Variants in PPP4R2 observed in about 807,000 individuals in gnomAD.
The protein encoded by PPP4R2 is serine/threonine-protein phosphatase 4 regulatory subunit 2.
Under a neutral mutation model 47.2 loss-of-function variants are expected in PPP4R2, and 13 were observed. The observed-to-expected ratio is 0.28, with a 90% confidence interval of 0.18 to 0.44. The LOEUF (loss-of-function observed/expected upper bound fraction) is 0.44. Among genes scored for constraint, PPP4R2 ranks in the 20% least tolerant of loss-of-function variants. The pLI, the probability that PPP4R2 is intolerant of heterozygous loss-of-function variation, is 1.00. For synonymous variants in PPP4R2, 151 were observed against 163.3 expected (o/e 0.92, Z 0.57); for missense variants, 421 against 491.2 (o/e 0.86, Z 1.35).
chr3:73,049,710 A>G (rs1466761133), intron 3 of PPP4R2, among the ~76,000 whole-genome samples: 1 of 151,100 alleles, frequency 6.6e-6, no homozygotes, highest in Non-Finnish European at 1.5e-5. Flanking sequence ...TTTTCAGTTC[A>G]TTCACATTAA....
intron 2 of PPP4R2, among the ~76,000 whole-genome samples, chr3:73,005,584 C>T (rs1229451942): frequency 6.6e-6 from 1 of 151,850 alleles, no homozygotes; most frequent in Non-Finnish European, 1.5e-5. Context: ...TGCGGTGGCT[C>T]ACGCCTGTAA....
At chr3:73,016,927 A>G (rs1303509266) in intron 2 of PPP4R2, among the ~76,000 whole-genome samples, 1 of 150,844 alleles carries the variant, frequency 6.6e-6, no homozygotes, top group Non-Finnish European at 1.5e-5. Flanking sequence ...CCCGGGTTCA[A>G]GAGATTTTCA....
chr3:73,011,454 T>A (rs916767769), intron 2 of PPP4R2, among the ~76,000 whole-genome samples: 1 of 152,094 alleles, frequency 6.6e-6, no homozygotes, highest in Non-Finnish European at 1.5e-5. Flanking sequence ...ACACTCCAGC[T>A]TGGGCGAAAG....
rs557730762 is a variant in PPP4R2 at position 73,002,391 on chromosome 3, A to C, written c.116+4233A>C. On this transcript the variant is annotated intron_variant, in intron 2 of 8. Transcript: ENST00000356692. ...TCAGCCTCCTGAATAGCTAGGACTT[A>C]CAGATAGGGTACATGCCACGATGCC... 6.6e-5 allele frequency among the ~76,000 whole-genome samples: 10 copies of C among 152,142 alleles called. No individual in the cohort carries two copies. The South Asian group carries it at 1.4e-3, about 22-fold the overall frequency.
At chr3:73,034,776 T>C (rs912352584) in intron 2 of PPP4R2, among the ~76,000 whole-genome samples, 11 of 151,990 alleles carry the variant, frequency 7.2e-5, no homozygotes, top group Admixed American at 1.3e-4. Flanking sequence ...CAAGCAGTCT[T>C]CCTGCCTCAG....
intron 3 of PPP4R2, among the ~76,000 whole-genome samples, chr3:73,055,417 C>CGTGTGTGTGTGTGTGTGTGT (rs10663655): frequency 2.0e-4 from 27 of 137,416 alleles, no homozygotes; most frequent in African/African-American, 5.1e-4. Context: ...AGTGGGGTAG[C>CGTGTGTGTGTGTGTGTGTGT]GTGTGTGTGT....
intron 2 of PPP4R2, among the ~76,000 whole-genome samples, chr3:73,044,296 T>C (rs111823250): frequency 6.6e-6 from 1 of 152,252 alleles, no homozygotes; most frequent in African/African-American, 2.4e-5. Context: ...CTACCAGCAA[T>C]GCACAAGAGT....
rs560794658 is a variant in PPP4R2, at chr3:73,043,318, T to A, written c.117-3868T>A. On this transcript the variant is annotated intron_variant, in intron 2 of 8. Transcript: ENST00000356692. The stretch of plus-strand genomic sequence containing the variant: ...ATTCTGTGAAATTAAAAATTAAAAA[T>A]TCTGCTTGTTAAACCTCAAATTCCC... Among the ~76,000 whole-genome samples the A allele has an allele frequency of 3.3e-5, 5 of 152,106 alleles. No individual in the cohort carries two copies. The East Asian group carries it at 7.7e-4, about 23-fold the overall frequency.
At chr3:73,036,117 C>G (rs939652934) in intron 2 of PPP4R2, among the ~76,000 whole-genome samples, 3 of 152,054 alleles carry the variant, frequency 2.0e-5, no homozygotes, top group African/African-American at 7.2e-5. Flanking sequence ...AACTGGAGGT[C>G]ATTATGTTAA....
intron 3 of PPP4R2, among the ~76,000 whole-genome samples, chr3:73,055,457 T>TGTG (rs1553650823): frequency 3.4e-5 from 5 of 149,086 alleles, no homozygotes; most frequent in South Asian, 2.1e-4. Flanking sequence ...TGTGTGTGTA[T>TGTG]TAAAATATAT....
intron 3 of PPP4R2, among the ~76,000 whole-genome samples, chr3:73,052,880 G>A (rs1306652074): frequency 6.6e-6 from 1 of 152,156 alleles, no homozygotes; most frequent in Non-Finnish European, 1.5e-5. Flanking sequence ...TGTTAAGCAG[G>A]TACAGTCAGT....
At chr3:73,043,718 A>G (rs1312576122) in intron 2 of PPP4R2, among the ~76,000 whole-genome samples, 1 of 152,172 alleles carries the variant, frequency 6.6e-6, no homozygotes, top group Non-Finnish European at 1.5e-5. Flanking sequence ...CTTATTGGCC[A>G]TTTGTGTATC....
At chr3:73,013,064 A>G (rs1337304566) in intron 2 of PPP4R2, among the ~76,000 whole-genome samples, 2 of 151,864 alleles carry the variant, frequency 1.3e-5, no homozygotes, top group Non-Finnish European at 2.9e-5. Flanking sequence ...TTCATAGTAG[A>G]GAGTTTTTGG....
At chr3:73,018,326 A>G (rs1701883390) in intron 2 of PPP4R2, among the ~76,000 whole-genome samples, 2 of 151,604 alleles carry the variant, frequency 1.3e-5, no homozygotes, top group African/African-American at 4.8e-5. Context: ...GCGGGATTTA[A>G]GTATGTGCAG....
chr3:73,016,179 T>G (rs1296055415), intron 2 of PPP4R2: 2 of 152,234 alleles, frequency 1.3e-5, no homozygotes, highest in African/African-American at 4.8e-5. Flanking sequence ...GACAATAAAT[T>G]AGATCTGAAA....
At chr3:73,059,462 A>G (rs534627229) in intron 4 of PPP4R2, among the ~76,000 whole-genome samples, 2 of 152,358 alleles carry the variant, frequency 1.3e-5, no homozygotes, top group African/African-American at 2.4e-5. Context: ...AAACTTACAC[A>G]TGGAATTCAT....
intron 2 of PPP4R2, among the ~76,000 whole-genome samples, chr3:73,003,727 C>T (rs546677355): frequency 6.6e-6 from 1 of 151,624 alleles, no homozygotes; most frequent in Non-Finnish European, 1.5e-5. Context: ...GAGACAGAGT[C>T]TTGCTCTGTT....
At position 73,052,245 on chromosome 3, in the gene PPP4R2, TC is replaced by T. The variant is rs67665735; in HGVS notation, c.287+4890del. 5.9e-4 allele frequency among the ~76,000 whole-genome samples: 88 copies of T among 150,004 alleles called. 2 individuals are homozygous for T. The South Asian group carries it at 0.01, about 17-fold the overall frequency. ...AATGGAATGCTTAATTTCTTTCTTT[TC>T]TTTTTTTTTTTGGTCATTTTCTTGT... On this transcript the variant is annotated intron_variant, in intron 3 of 8. Coordinates refer to ENST00000356692, the MANE Select transcript of PPP4R2 (RefSeq NM_174907.4).
At chr3:73,030,833 C>T (rs1206199931) in intron 2 of PPP4R2, among the ~76,000 whole-genome samples, 2 of 151,968 alleles carry the variant, frequency 1.3e-5, no homozygotes, top group Non-Finnish European at 1.5e-5. Context: ...TCCTGAGTAG[C>T]TGGGATTACA....
Sources: gnomAD v4.1 joint callset for allele counts (sites outside exome capture counted in the v4.1 genomes callset) on GRCh38, gnomAD v4.1.1 for gene constraint, MANE v1.5 for transcripts, NCBI Gene and HGNC (gene_info 2026-07-23, HGNC 2026-07-21) for gene names.